Variants in WDR33 observed in about 807,000 individuals in gnomAD.
The protein encoded by WDR33 is WD repeat domain 33.
Under a neutral mutation model 164.9 loss-of-function variants are expected in WDR33, and 47 were observed. The ratio of observed to expected loss-of-function variants is 0.29; its 90% CI spans 0.23 to 0.36. The LOEUF is 0.36. WDR33 is among the 10% of genes least tolerant of loss of function. WDR33 has a pLI of 1.00. For synonymous variants in WDR33, 505 were observed against 589.0 expected (o/e 0.86, Z 2.06); for missense variants, 1,137 against 1,754.1 (o/e 0.65, Z 6.28).
rs764567706 is a variant in WDR33, at chr2:127,706,490, C to T, written c.3844G>A (p.Gly1282Arg). 22 of 1,613,294 alleles carry T rather than the reference C, an allele frequency of 1.4e-5. No homozygotes were observed. Among genetic ancestry groups the T allele is most frequent in the African/African-American group, 5.3e-5 (4 of 74,894 alleles). ...PKSGRSSSLD[G>R]EHHDGYHRDE... ...CTGTGGTATCCATCGTGGTGCTCTC[C>T]GTCTAAGGAGCTGGAACGCCCAGAT... The change falls in exon 22 of 22, where the codon GGA becomes AGA. Residue 1282 changes from glycine to arginine, a missense_variant. Around this residue, in one of 9 missense-constraint regions of WDR33, gnomAD observed 867 missense variants for 1,073.0 expected, o/e 0.81. Transcript: ENST00000322313. The surrounding 1 kb of genome is among the most constrained non-coding windows in gnomAD (Gnocchi z 5.1).
chr2:127,717,252 G>A lies in WDR33; in HGVS notation c.2772C>T (p.Ser924=), dbSNP rs1035191688. The A allele has an allele frequency of 7.6e-6, 12 of 1,588,740 alleles. No homozygotes were observed. The highest frequency in any genetic ancestry group is 1.0e-5 in the Non-Finnish European group (12 of 1,170,332). ...PRAPFNQEGQ[S]TGPPPLIPGL... ...CTGGTATCAGGGGTGGGGGGCCTGT[G>A]CTCTGTCCTTCCTGAAAATATGTTT... Residue 924 remains serine, a synonymous_variant, in exon 17 of 22, where the codon AGC becomes AGT. Transcript: ENST00000322313. The surrounding 1 kb of genome is among the most constrained non-coding windows in gnomAD (Gnocchi z 5.6).
chr2:127,793,355 C>A (rs191611605), intron 1 of WDR33, among the ~76,000 whole-genome samples: 1 of 151,870 alleles, frequency 6.6e-6, no homozygotes, highest in Non-Finnish European at 1.5e-5. Flanking sequence ...CGCTTCAACC[C>A]GGGAGAAGGA....
intron 1 of WDR33, among the ~76,000 whole-genome samples, chr2:127,781,505 A>G (rs1384960736): frequency 6.6e-6 from 1 of 152,232 alleles, no homozygotes; most frequent in African/African-American, 2.4e-5. Flanking sequence ...CCATATCACT[A>G]TCAATGCTCT....
intron 1 of WDR33, among the ~76,000 whole-genome samples, chr2:127,775,624 G>GA (rs1247414519): frequency 6.6e-6 from 1 of 152,156 alleles, no homozygotes. Context: ...CAAATATGAG[G>GA]AAAATGACTG....
rs867489787 is a variant in WDR33, at chr2:127,709,297, T to C, written c.3565+193A>G. On this transcript the variant is annotated intron_variant, in intron 20 of 21. Transcript: ENST00000322313. The surrounding 1 kb of genome is among the most constrained non-coding windows in gnomAD (Gnocchi z 5.0). ...TTTATACTCAGATAGATCCCTGTAA[T>C]GTCTGGCGGATTCCTCTGCTCTGCA... Among the ~76,000 whole-genome samples, 18 of 152,318 alleles carry C rather than the reference T, an allele frequency of 1.2e-4. No homozygotes were observed. Among genetic ancestry groups the C allele is most frequent in the Middle Eastern group, 3.4e-3 (1 of 294 alleles).
chr2:127,707,607 T>C (rs1282807600), intron 21 of WDR33, among the ~76,000 whole-genome samples: 3 of 152,182 alleles, frequency 2.0e-5, no homozygotes, highest in Non-Finnish European at 4.4e-5. Flanking sequence ...CACTGGCTAG[T>C]AGTACAATGT....
At chr2:127,750,677 A>AAAATAT (rs1558936792) in intron 7 of WDR33, among the ~76,000 whole-genome samples, 5 of 35,798 alleles carry the variant, frequency 1.4e-4, no homozygotes, top group African/African-American at 1.5e-4. Flanking sequence ...AAAAAAAAAA[A>AAAATAT]ATATATATAT....
chr2:127,741,347 G>A lies in WDR33; in HGVS notation c.725-14570C>T, dbSNP rs112350733. On this transcript the variant is annotated intron_variant, in intron 7 of 21. Coordinates refer to ENST00000322313, the MANE Select transcript of WDR33 (RefSeq NM_018383.5). The surrounding 1 kb of genome is among the most constrained non-coding windows in gnomAD (Gnocchi z 4.1). Reference sequence around the variant, plus strand: ...AAAAAGAGAAAAGAGAAGGGAGGGAGGAGAGAAAGATGGCAGTTCCACTTA... The same window carrying A: ...AAAAAGAGAAAAGAGAAGGGAGGGAAGAGAGAAAGATGGCAGTTCCACTTA... 6.6e-6 allele frequency among the ~76,000 whole-genome samples: 1 copy of A among 152,218 alleles called. No individual in the cohort carries two copies. The highest frequency in any genetic ancestry group is 2.4e-5 in the African/African-American group (1 of 41,530).
At chr2:127,743,525 A>G (rs1388559040) in intron 7 of WDR33, among the ~76,000 whole-genome samples, 1 of 152,256 alleles carries the variant, frequency 6.6e-6, no homozygotes, top group East Asian at 1.9e-4. Flanking sequence ...TTTTGTTCTC[A>G]TTGTTTAGAA....
At position 127,738,132 on chromosome 2, in the gene WDR33, T is replaced by G. The variant is rs10197281; in HGVS notation, c.725-11355A>C. ...CTATCACATGAGCCCTGGCAGATTGTGTAATTTCCAGATATGACTGAGATT... is the reference window on the plus strand; with the variant it reads ...CTATCACATGAGCCCTGGCAGATTGGGTAATTTCCAGATATGACTGAGATT... On this transcript the variant is annotated intron_variant, in intron 7 of 21. Coordinates refer to ENST00000322313, the MANE Select transcript of WDR33 (RefSeq NM_018383.5). This position sits in a 1 kb window ranked among gnomAD's most constrained non-coding sequence, Gnocchi z 4.4. 1.0e-3 allele frequency: 1,442 copies of G among 1,378,970 alleles called. 2 individuals are homozygous for G. Among genetic ancestry groups the G allele is most frequent in the Non-Finnish European group, 1.3e-3 (1,357 of 1,027,498 alleles). 85.4% of individuals were successfully genotyped at this position (1,378,970 alleles called of 1,614,324 possible). A position where few individuals can be genotyped will look rare whatever the true frequency, so the allele number is the denominator to read the frequency against.
intron 1 of WDR33, among the ~76,000 whole-genome samples, chr2:127,781,225 A>C (rs1271458852): frequency 6.6e-6 from 1 of 152,196 alleles, no homozygotes; most frequent in Non-Finnish European, 1.5e-5. Flanking sequence ...AGACACATGA[A>C]CATATCCAAG....
intron 7 of WDR33, among the ~76,000 whole-genome samples, chr2:127,762,243 A>G (rs1687700102): frequency 6.6e-6 from 1 of 152,182 alleles, no homozygotes; most frequent in African/African-American, 2.4e-5. Flanking sequence ...TAAACAGTAC[A>G]TTCAAAAGGT....
chr2:127,763,544 T>C lies in WDR33; in HGVS notation c.627-385A>G, dbSNP rs1687740062. The C allele has an allele frequency of 1.8e-5, 18 of 1,018,488 alleles. No homozygotes were observed. Among genetic ancestry groups the C allele is most frequent in the Non-Finnish European group, 2.0e-5 (17 of 850,294 alleles). 63.1% of individuals were successfully genotyped at this position (1,018,488 alleles called of 1,614,324 possible). A position where few individuals can be genotyped will look rare whatever the true frequency, so the allele number is the denominator to read the frequency against. ...CTTTTAAATCACACACGAATACTGC[T>C]CCCAAAATTATCATCAGCTTCTGCC... On this transcript the variant is annotated intron_variant, in intron 6 of 21. Transcript: ENST00000322313. This position sits in a 1 kb window ranked among gnomAD's most constrained non-coding sequence, Gnocchi z 4.5.
intron 7 of WDR33, among the ~76,000 whole-genome samples, chr2:127,759,124 T>C (rs1310268460): frequency 6.6e-6 from 1 of 152,208 alleles, no homozygotes; most frequent in Non-Finnish European, 1.5e-5. Flanking sequence ...GTTGCCATAA[T>C]TAATACTAGA....
At position 127,702,131 on chromosome 2, in the gene WDR33, T is replaced by A. The variant is rs1207816670; in HGVS notation, c.*4192A>T. On this transcript the variant is annotated 3_prime_UTR_variant, in exon 22 of 22. Coordinates refer to ENST00000322313, the MANE Select transcript of WDR33 (RefSeq NM_018383.5). ...GCACCGCGCTGCGCCTCGCACTGGG[T>A]CGCCTGGGCCGCGGCGCCGGCCTCG... The A allele has an allele frequency of 3.6e-5, 44 of 1,216,078 alleles. No homozygotes were observed. The highest frequency in any genetic ancestry group is 3.2e-4 in the Middle Eastern group (1 of 3,112). 75.3% of individuals were successfully genotyped at this position (1,216,078 alleles called of 1,614,324 possible). A position where few individuals can be genotyped will look rare whatever the true frequency, so the allele number is the denominator to read the frequency against.
intron 7 of WDR33, 100 bp downstream of exon 7, chr2:127,762,962 A>G: frequency 6.4e-7 from 1 of 1,562,502 alleles, no homozygotes; most frequent in Non-Finnish European, 8.7e-7. Flanking sequence ...TGTAAAAAAA[A>G]TTGAATGGAG....
chr2:127,787,537 C>A (rs1396046427), intron 1 of WDR33, among the ~76,000 whole-genome samples: 5 of 122,732 alleles, frequency 4.1e-5, no homozygotes, highest in Non-Finnish European at 5.1e-5. Flanking sequence ...GGTCGGGGGG[C>A]TGACACCCCC....
chr2:127,713,684 T>C lies in WDR33; in HGVS notation c.3207A>G (p.Ala1069=). The C allele has an allele frequency of 6.2e-7, 1 of 1,614,202 alleles. No homozygotes were observed. Residue 1069 remains alanine, a synonymous_variant, in exon 18 of 22, where the codon GCA becomes GCG. Coordinates refer to ENST00000322313, the MANE Select transcript of WDR33 (RefSeq NM_018383.5). The surrounding 1 kb of genome is among the most constrained non-coding windows in gnomAD (Gnocchi z 6.2). Reference sequence around the variant, plus strand: ...CCCATGCCCCCGGAGGGCCTCGGGCTGCACCCCGGCCATCCCCCTCGCTGA... The same window carrying C: ...CCCATGCCCCCGGAGGGCCTCGGGCCGCACCCCGGCCATCCCCCTCGCTGA... ...REFSEGDGRG[A]ARGPPGAWEG... is the part of the protein sequence containing the mutation.
At chr2:127,711,780 A>ATATATATTTTTTTTTT in intron 18 of WDR33, among the ~76,000 whole-genome samples, 1 of 88,320 alleles carries the variant, frequency 1.1e-5, no homozygotes, top group East Asian at 2.8e-4. Context: ...ATATATATAT[A>ATATATATTTTTTTTTT]TTTTTTTTTT....
Sources: allele counts gnomAD v4.1 joint callset (sites outside exome capture counted in the v4.1 genomes callset), GRCh38; gene constraint gnomAD v4.1.1; regional missense constraint gnomAD v4.1.1; non-coding constraint Gnocchi (gnomAD v3.1); transcripts MANE v1.5; gene names NCBI Gene and HGNC (gene_info 2026-07-23, HGNC 2026-07-21).